Variants in ZNF454 observed in about 807,000 individuals in gnomAD.
The protein encoded by ZNF454 is zinc finger protein 454.
ZNF454 carries 30 observed loss-of-function variants against 48.2 expected under a neutral mutation model. The observed-to-expected ratio is 0.62, with a 90% CI of 0.47 to 0.84. The LOEUF (loss-of-function observed/expected upper bound fraction) is 0.84, where lower values mean the gene tolerates loss of function less well. ZNF454 is among the 40% of genes least tolerant of loss of function. ZNF454 has a pLI of 0.00. For missense variants in ZNF454, 510 were observed against 623.1 expected (o/e 0.82, Z 1.93); for synonymous variants, 204 against 211.4 (o/e 0.97, Z 0.30).
intron 4 of ZNF454, among the ~76,000 whole-genome samples, chr5:178,947,382 TATC>T (rs1276136254): frequency 6.6e-6 from 1 of 152,230 alleles, no homozygotes; most frequent in African/African-American, 2.4e-5. Context: ...AAGAGCCAGT[TATC>T]ATGTGCCCAC....
chr5:178,985,516 A>G, the ZNF454 span: 1 of 340,006 alleles, frequency 2.9e-6, no homozygotes, highest in Non-Finnish European at 5.8e-6. Flanking sequence ...ATCCTGGCTA[A>G]CACGGTGAAG....
the ZNF454 span, among the ~76,000 whole-genome samples, chr5:178,972,019 A>G: frequency 1.3e-5 from 2 of 152,054 alleles, no homozygotes; most frequent in Non-Finnish European, 2.9e-5. Context: ...CTGTAAACTC[A>G]GCCTCCTGGG....
chr5:178,982,692 T>TAAAAA, the ZNF454 span: 1 of 431,644 alleles, frequency 2.3e-6, no homozygotes. Flanking sequence ...ATGAAAATGA[T>TAAAAA]AAAAAAAAAA....
chr5:178,989,320 G>C, the ZNF454 span: 1 of 1,611,966 alleles, frequency 6.2e-7, no homozygotes, highest in African/African-American at 1.3e-5. Context: ...TCAGTTTGCA[G>C]TTAAAATTCT....
the ZNF454 span, chr5:178,986,900 C>T: frequency 6.2e-6 from 10 of 1,614,074 alleles, no homozygotes; most frequent in Non-Finnish European, 7.6e-6. Flanking sequence ...CTGGCACTGC[C>T]ATTGGTCGCC....
the ZNF454 span, chr5:178,979,517 C>T: frequency 6.6e-6 from 1 of 152,222 alleles, no homozygotes; most frequent in African/African-American, 2.4e-5. Flanking sequence ...ATCAGAGTTC[C>T]TGCCAGAGAG....
chr5:178,952,990 A>G (rs994226124), intron 4 of ZNF454, among the ~76,000 whole-genome samples: 5 of 152,022 alleles, frequency 3.3e-5, no homozygotes, highest in African/African-American at 1.2e-4. Context: ...TTTGTGGTGA[A>G]CAATGGTGGC....
chr5:178,983,883 C>T, the ZNF454 span, among the ~76,000 whole-genome samples: 7 of 152,334 alleles, frequency 4.6e-5, no homozygotes, highest in South Asian at 2.1e-4. Context: ...CTGCCCCACA[C>T]GTTCGTGCTG....
At chr5:178,979,006 C>T in the ZNF454 span, 1 of 152,420 alleles carries the variant, frequency 6.6e-6, no homozygotes, top group African/African-American at 2.4e-5. Context: ...AATCCGAACA[C>T]TTTGGGAGGT....
At chr5:178,983,210 C>T in the ZNF454 span, 17 of 1,611,828 alleles carry the variant, frequency 1.1e-5, no homozygotes, top group Middle Eastern at 1.6e-4. Context: ...GCCATGCTAT[C>T]ATCCCCACCA....
At chr5:178,979,077 C>CCT in the ZNF454 span, 1 of 152,260 alleles carries the variant, frequency 6.6e-6, no homozygotes, top group African/African-American at 2.4e-5. Context: ...CATAGTGAGA[C>CCT]CTCGTCTCTA....
chr5:178,974,297 GGTT>G, the ZNF454 span, among the ~76,000 whole-genome samples: 8 of 143,926 alleles, frequency 5.6e-5, no homozygotes, highest in Non-Finnish European at 1.0e-4. Context: ...TGGTTGTTGT[GGTT>G]GTTGTGGTTG....
At chr5:178,948,666 G>A (rs1327345793) in intron 4 of ZNF454, among the ~76,000 whole-genome samples, 1 of 152,160 alleles carries the variant, frequency 6.6e-6, no homozygotes, top group Non-Finnish European at 1.5e-5. Context: ...GCCGCACTGA[G>A]GCTGGTTTGG....
intron 2 of ZNF454, among the ~76,000 whole-genome samples, chr5:178,945,170 G>A (rs1023276508): frequency 6.6e-6 from 1 of 151,184 alleles, no homozygotes. Flanking sequence ...GGATGTGTAG[G>A]GCTGTGTCTT....
At position 178,941,444 on chromosome 5, in the gene ZNF454, T is replaced by C. The variant is rs1424932819; in HGVS notation, c.-108T>C. 1 of 453,882 alleles carries C rather than the reference T, an allele frequency of 2.2e-6. No homozygotes were observed. Among genetic ancestry groups the C allele is most frequent in the South Asian group, 1.6e-5 (1 of 64,408 alleles). The allele number at this position is 453,882 out of a possible 1,614,324, so 28.1% of individuals were successfully genotyped here. ...ATCGAATGCCCCAAACTTCCCGGAA[T>C]GTATGTCTGAGATTTGATCCCAGAG... is the stretch of plus-strand genomic sequence containing the variant. On this transcript the variant is annotated splice_region_variant and 5_prime_UTR_variant, in exon 1 of 5. Transcript: ENST00000519564. This position sits in a 1 kb window ranked among gnomAD's most constrained non-coding sequence, Gnocchi z 5.5.
downstream of ZNF454, chr5:178,968,799 G>T (rs999688511): frequency 2.2e-6 from 1 of 456,758 alleles, no homozygotes; most frequent in Admixed American, 2.3e-5. Flanking sequence ...ATGAACGCAT[G>T]AGAACTACCA....
At chr5:178,977,609 G>A in the ZNF454 span, among the ~76,000 whole-genome samples, 3,865 of 141,552 alleles carry the variant, frequency 0.027, 78 homozygotes, top group South Asian at 0.079. Flanking sequence ...TTTCTTTGTT[G>A]CCCAGGCTGG....
At chr5:178,986,246 T>C in the ZNF454 span, 1 of 1,613,992 alleles carries the variant, frequency 6.2e-7, no homozygotes, top group African/African-American at 1.3e-5. Flanking sequence ...TTGGTCTTGG[T>C]GAGCAGGGCA....
chr5:178,943,761 C>T (rs1193834798), intron 2 of ZNF454, among the ~76,000 whole-genome samples: 2 of 152,198 alleles, frequency 1.3e-5, no homozygotes, highest in Non-Finnish European at 2.9e-5. Flanking sequence ...CGCGGTGGCT[C>T]ACGCCTGTAA....
Sources: gnomAD v4.1 joint callset for allele counts (sites outside exome capture counted in the v4.1 genomes callset) on GRCh38, gnomAD v4.1.1 for gene constraint, Gnocchi (gnomAD v3.1) non-coding constraint, MANE v1.5 for transcripts, NCBI Gene and HGNC (gene_info 2026-07-23, HGNC 2026-07-21) for gene names.